The following IFT52 variants were observed in gnomAD, a reference collection of about 807,000 sequenced individuals.
The protein encoded by IFT52 is intraflagellar transport 52.
Under a neutral mutation model 54.4 loss-of-function variants are expected in IFT52, and 44 were observed. That is an observed-to-expected ratio of 0.81 (90% CI 0.63 to 1.04). The LOEUF (loss-of-function observed/expected upper bound fraction) is 1.04, where lower values mean the gene tolerates loss of function less well. IFT52 is among the 50% of genes least tolerant of loss of function. The pLI is 0.00. For missense variants in IFT52, 452 were observed against 523.6 expected, an observed-to-expected ratio of 0.86 and a Z score of 1.33; for synonymous variants, 181 against 185.3, an observed-to-expected ratio of 0.98 and a Z score of 0.19.
At chr20:43,642,007 T>A (rs1306729589) in intron 12 of IFT52, among the ~76,000 whole-genome samples, 1 of 152,112 alleles carries the variant, frequency 6.6e-6, no homozygotes, top group African/African-American at 2.4e-5. Context: ...TTGGCCAGGC[T>A]GATCTTGAAC....
At chr20:43,611,900 C>T (rs933989614) in intron 6 of IFT52, among the ~76,000 whole-genome samples, 1 of 151,732 alleles carries the variant, frequency 6.6e-6, no homozygotes, top group African/African-American at 2.4e-5. Context: ...CGTGGTGGTG[C>T]ACACCTGTAA....
intron 10 of IFT52, among the ~76,000 whole-genome samples, chr20:43,635,516 C>T (rs982301602): frequency 5.3e-5 from 8 of 152,116 alleles, no homozygotes; most frequent in Admixed American, 6.5e-5. Flanking sequence ...AGGCTGGTTT[C>T]GAACTCTTGA....
At chr20:43,636,331 C>G (rs1409802117) in intron 11 of IFT52, among the ~76,000 whole-genome samples, 1 of 152,152 alleles carries the variant, frequency 6.6e-6, no homozygotes, top group African/African-American at 2.4e-5. Context: ...TACTGCCATT[C>G]CAGGTGTCAG....
intron 3 of IFT52, among the ~76,000 whole-genome samples, chr20:43,599,166 G>A (rs191546286): frequency 9.2e-5 from 14 of 152,290 alleles, no homozygotes; most frequent in Admixed American, 7.8e-4. Flanking sequence ...TACACACAGA[G>A]GGCAGTGGCC....
At chr20:43,626,322 G>A (rs924762786) in intron 10 of IFT52, among the ~76,000 whole-genome samples, 19 of 150,742 alleles carry the variant, frequency 1.3e-4, no homozygotes, top group South Asian at 4.2e-4. Flanking sequence ...GGAGTGCAGT[G>A]GCGCAATCTC....
Position 43,647,068 on chromosome 20 carries a change from A to C in IFT52, c.*85A>C. On this transcript the variant is annotated 3_prime_UTR_variant, in exon 14 of 14. Transcript: ENST00000373030. ...AATTGTTTTTCAACTCCTTATCAAAATTGTTTATACACTCTTTCCTCCATG... is the reference window on the plus strand; with the variant it reads ...AATTGTTTTTCAACTCCTTATCAAACTTGTTTATACACTCTTTCCTCCATG... The C allele has an allele frequency of 2.5e-6, 3 of 1,186,122 alleles. No individual in the cohort carries two copies. The highest frequency in any genetic ancestry group is 3.8e-6 in the Non-Finnish European group (3 of 792,552). The allele number at this position is 1,186,122 out of a possible 1,614,324, so 73.5% of individuals were successfully genotyped here.
intron 6 of IFT52, among the ~76,000 whole-genome samples, chr20:43,610,666 G>A (rs1983368392): frequency 6.6e-6 from 1 of 151,926 alleles, no homozygotes; most frequent in African/African-American, 2.4e-5. Flanking sequence ...GTGAACCCGG[G>A]AGGCGGAGCT....
intron 8 of IFT52, among the ~76,000 whole-genome samples, chr20:43,619,430 T>C (rs779910946): frequency 6.6e-6 from 1 of 152,088 alleles, no homozygotes; most frequent in Non-Finnish European, 1.5e-5. Context: ...TCTTTTTTTG[T>C]TGTTGTTGTT....
intron 13 of IFT52, among the ~76,000 whole-genome samples, chr20:43,643,358 C>T (rs1986059125): frequency 1.8e-5 from 1 of 54,126 alleles, no homozygotes; most frequent in African/African-American, 5.4e-5. Context: ...TGGTGGTGCA[C>T]GCCTGTAATC....
chr20:43,605,162 CAAA>C (rs1601032011), intron 6 of IFT52, 89 bp downstream of exon 6: 1 of 1,544,140 alleles, frequency 6.5e-7, no homozygotes, highest in East Asian at 2.3e-5. Flanking sequence ...TTTCTGGTTA[CAAA>C]AATAATCAGA....
Position 43,642,609 on chromosome 20 carries a change from C to T in IFT52, c.1251C>T (p.Phe417=), listed in dbSNP as rs1344661023. The T allele has an allele frequency of 2.5e-6, 4 of 1,614,050 alleles. No homozygotes were observed. Among genetic ancestry groups the T allele is most frequent in the Non-Finnish European group, 3.4e-6 (4 of 1,179,966 alleles). Residue 417 remains phenylalanine (F), a synonymous_variant, in exon 13 of 14, where the codon TTC becomes TTT. Coordinates refer to ENST00000373030, the MANE Select transcript of IFT52 (RefSeq NM_016004.5). ...LEHVFFQVVE[F]KKLNQEHDID... ...ACGTCTTCTTCCAAGTGGTGGAGTT[C>T]AAGAAATTGAACCAGGTACAGAGCC...
chr20:43,630,913 C>T (rs987120588), intron 10 of IFT52, among the ~76,000 whole-genome samples: 6 of 152,222 alleles, frequency 3.9e-5, no homozygotes, highest in African/African-American at 1.4e-4. Context: ...GAAGGGAAGA[C>T]TTAATGGGAC....
chr20:43,610,033 C>T (rs1283689782), intron 6 of IFT52, among the ~76,000 whole-genome samples: 1 of 151,916 alleles, frequency 6.6e-6, no homozygotes, highest in Non-Finnish European at 1.5e-5. Flanking sequence ...GGTACGATGA[C>T]TCATGCCTGT....
Position 43,594,786 on chromosome 20 carries a change from A to C in IFT52, c.88A>C (p.Lys30Gln), listed in dbSNP as rs1247361691. 2 of 1,608,396 alleles carry C rather than the reference A, an allele frequency of 1.2e-6. No individual in the cohort carries two copies. The highest frequency in any genetic ancestry group is 4.5e-5 in the East Asian group (2 of 44,858). ...CAACAATGGCTACAAATCCATGCAG[A>C]AAAAACTTCGGAGTAATTGGAAGAT... Reference protein sequence around the residue: ...TTNNGYKSMQKKLRSNWKIQS... With the variant: ...TTNNGYKSMQQKLRSNWKIQS... The change falls in exon 2 of 14, where the codon AAA (lysine) becomes CAA (glutamine). Residue 30 changes from lysine to glutamine, a missense_variant. Transcript: ENST00000373030.
chr20:43,620,185 G>A (rs1463279691), intron 8 of IFT52, among the ~76,000 whole-genome samples: 1 of 151,932 alleles, frequency 6.6e-6, no homozygotes, highest in Non-Finnish European at 1.5e-5. Flanking sequence ...CCAAAGTGCT[G>A]GGATTACAGC....
At chr20:43,622,709 A>G (rs1244397097) in intron 9 of IFT52, among the ~76,000 whole-genome samples, 2 of 146,986 alleles carry the variant, frequency 1.4e-5, no homozygotes, top group African/African-American at 4.9e-5. Context: ...AAATATATAC[A>G]TATTTTTATG....
intron 10 of IFT52, 76 bp downstream of exon 10, chr20:43,624,121 G>A (rs1390615420): frequency 7.7e-6 from 11 of 1,437,410 alleles, no homozygotes; most frequent in South Asian, 7.3e-5. Context: ...ACCTGGGAAC[G>A]GGAATTAGGG....
chr20:43,601,964 ATCAAAG>A (rs1982480226), intron 3 of IFT52, among the ~76,000 whole-genome samples: 1 of 152,184 alleles, frequency 6.6e-6, no homozygotes, highest in African/African-American at 2.4e-5. Context: ...AACGCTAGGG[ATCAAAG>A]TCAAATAGCA....
At chr20:43,597,909 A>C (rs905509823) in intron 3 of IFT52, among the ~76,000 whole-genome samples, 1 of 151,550 alleles carries the variant, frequency 6.6e-6, no homozygotes, top group Admixed American at 6.6e-5. Flanking sequence ...AAAAAAAAAA[A>C]AACTGCCATA....
Sources: gnomAD v4.1 joint callset for allele counts (sites outside exome capture counted in the v4.1 genomes callset) on GRCh38, gnomAD v4.1.1 for gene constraint, MANE v1.5 for transcripts, NCBI Gene and HGNC (gene_info 2026-07-23, HGNC 2026-07-21) for gene names.